NBEA: variants seen among roughly 807,000 people sequenced by gnomAD.
NBEA encodes the protein neurobeachin, also known as lysosomal-trafficking regulator 2.
In NBEA, 44 loss-of-function variants were observed where a neutral mutation model predicts 343.4. That is an observed-to-expected ratio of 0.13 (90% CI 0.10 to 0.16). The LOEUF (loss-of-function observed/expected upper bound fraction) is 0.16, where lower values mean the gene tolerates loss of function less well. Among genes scored for constraint, NBEA ranks in the 10% least tolerant of loss-of-function variants. The probability of loss-of-function intolerance (pLI) is 1.00; values close to 1 mark genes in which losing one functional copy is unlikely to be tolerated. For missense variants in NBEA, 2,555 were observed against 3,631.3 expected, an observed-to-expected ratio of 0.70 and a Z score of 7.62; for synonymous variants, 1,175 against 1,238.7, an observed-to-expected ratio of 0.95 and a Z score of 1.08.
At chr13:35,188,906 GTTTTTTTT>G (rs571102808) in intron 30 of NBEA, among the ~76,000 whole-genome samples, 4,646 of 109,784 alleles carry the variant, frequency 0.042, 107 homozygotes, top group Non-Finnish European at 0.058. Flanking sequence ...TTTACTTTTT[GTTTTTTTT>G]TTTTTTTTTG....
At chr13:35,260,972 T>G (rs2033157235) in intron 34 of NBEA, among the ~76,000 whole-genome samples, 1 of 152,180 alleles carries the variant, frequency 6.6e-6, no homozygotes, top group Admixed American at 6.6e-5. Context: ...ACCAAATTGT[T>G]TCGCCAGTAA....
At chr13:34,982,217 C>T (rs184791543) in intron 1 of NBEA, among the ~76,000 whole-genome samples, 7 of 151,982 alleles carry the variant, frequency 4.6e-5, no homozygotes, top group Non-Finnish European at 1.0e-4. Context: ...TGCTTTAGCT[C>T]ATTTTACAGA....
intron 34 of NBEA, among the ~76,000 whole-genome samples, chr13:35,250,788 A>G (rs548834164): frequency 1.3e-5 from 2 of 152,362 alleles, no homozygotes; most frequent in Admixed American, 6.5e-5. Context: ...AAAATTGTAT[A>G]ATTAAATGGT....
At chr13:34,993,381 T>C (rs117019898) in intron 1 of NBEA, among the ~76,000 whole-genome samples, 6,961 of 152,326 alleles carry the variant, frequency 0.046, 237 homozygotes, top group Non-Finnish European at 0.067. Context: ...CTTGCTACAA[T>C]GTAAGATGTA....
chr13:35,193,073 TGTTA>T (rs1403488944), intron 30 of NBEA, among the ~76,000 whole-genome samples: 1 of 151,938 alleles, frequency 6.6e-6, no homozygotes, highest in African/African-American at 2.4e-5. Flanking sequence ...TTTTTGTTGT[TGTTA>T]AAGTTTTTGT....
At chr13:35,620,568 C>G (rs1259479718) in intron 48 of NBEA, among the ~76,000 whole-genome samples, 4 of 151,958 alleles carry the variant, frequency 2.6e-5, no homozygotes, top group South Asian at 4.2e-4. Flanking sequence ...AGTACTTTGC[C>G]TTTTTACCCT....
In NBEA at chr13:35,671,056, ATCTCTGGTGGAAAAAAC is replaced by A. The variant is rs918941307; in HGVS notation, c.*68_*84del. 3 of 1,219,900 alleles carry A rather than the reference ATCTCTGGTGGAAAAAAC, an allele frequency of 2.5e-6. No homozygotes were observed. The African/African-American group carries it at 4.5e-5, about 18-fold the overall frequency. 75.6% of individuals were successfully genotyped at this position (1,219,900 alleles called of 1,614,324 possible). Reference sequence around the variant, plus strand: ...CACAAGTGCTGCATGGAAAGGCAATATCTCTGGTGGAAAAAACTCGTCTACATCGACCTCCGTTTGTA... The same window carrying A: ...CACAAGTGCTGCATGGAAAGGCAATATCGTCTACATCGACCTCCGTTTGTA... On this transcript the variant is annotated 3_prime_UTR_variant, in exon 59 of 59. Transcript: ENST00000379939.
chr13:35,423,077 A>T (rs2044402629), intron 38 of NBEA, among the ~76,000 whole-genome samples: 2 of 151,726 alleles, frequency 1.3e-5, no homozygotes, highest in Admixed American at 6.6e-5. Context: ...GGTTGCAAAA[A>T]TTTTCTCCCA....
chr13:34,981,799 T>A (rs2060364289), intron 1 of NBEA, among the ~76,000 whole-genome samples: 1 of 151,948 alleles, frequency 6.6e-6, no homozygotes, highest in African/African-American at 2.4e-5. Context: ...TCATCTTGTG[T>A]CAGTAAATTG....
intron 1 of NBEA, among the ~76,000 whole-genome samples, chr13:34,985,410 G>A (rs537579356): frequency 6.6e-6 from 1 of 151,106 alleles, no homozygotes; most frequent in Admixed American, 6.6e-5. Flanking sequence ...TGCTGAATAA[G>A]CTTTTTCATG....
At chr13:35,117,364 A>C in intron 13 of NBEA, 50 bp from the exon 14 acceptor site, 1 of 962,914 alleles carries the variant, frequency 1.0e-6, no homozygotes, top group Non-Finnish European at 1.4e-6. Context: ...CATTTAGCTA[A>C]TTTAATATCT....
At chr13:35,479,275 T>C (rs1369510531) in intron 41 of NBEA, among the ~76,000 whole-genome samples, 1 of 152,154 alleles carries the variant, frequency 6.6e-6, no homozygotes, top group Non-Finnish European at 1.5e-5. Context: ...GGTCCGCGAT[T>C]ATCACTGTGG....
At chr13:35,434,375 A>T (rs1361651086) in intron 39 of NBEA, among the ~76,000 whole-genome samples, 1 of 152,194 alleles carries the variant, frequency 6.6e-6, no homozygotes, top group African/African-American at 2.4e-5. Context: ...TGAATTTTCA[A>T]TCTGGATCAT....
intron 17 of NBEA, among the ~76,000 whole-genome samples, chr13:35,131,518 A>G (rs193183666): frequency 6.6e-6 from 1 of 152,334 alleles, no homozygotes; most frequent in African/African-American, 2.4e-5. Context: ...ATTTTTAGCA[A>G]ACCACAAATA....
intron 1 of NBEA, among the ~76,000 whole-genome samples, chr13:34,986,705 G>A (rs1191835317): frequency 1.3e-5 from 2 of 150,858 alleles, no homozygotes; most frequent in African/African-American, 4.8e-5. Context: ...CTTGCTTTAT[G>A]AGTCTGGGTG....
intron 6 of NBEA, among the ~76,000 whole-genome samples, chr13:35,052,948 A>G (rs2063117734): frequency 6.6e-6 from 1 of 152,054 alleles, no homozygotes; most frequent in African/African-American, 2.4e-5. Context: ...ATTGGAAGCC[A>G]TCTTAGACTC....
intron 49 of NBEA, among the ~76,000 whole-genome samples, chr13:35,641,951 T>C (rs978688154): frequency 3.3e-5 from 5 of 152,186 alleles, no homozygotes; most frequent in African/African-American, 4.8e-5. Context: ...TGAATGCACA[T>C]AATAAGCTTA....
chr13:35,586,767 C>A (rs1566367219), intron 46 of NBEA, among the ~76,000 whole-genome samples: 1 of 152,084 alleles, frequency 6.6e-6, no homozygotes. Context: ...TCTTTAGTTT[C>A]TGGGTGATAA....
At chr13:35,191,663 T>C (rs766768037) in intron 30 of NBEA, among the ~76,000 whole-genome samples, 6 of 152,048 alleles carry the variant, frequency 3.9e-5, no homozygotes, top group Non-Finnish European at 5.9e-5. Flanking sequence ...TAGTTACATA[T>C]AGCTTTTTTA....
Sources: allele counts gnomAD v4.1 joint callset (sites outside exome capture counted in the v4.1 genomes callset), GRCh38; gene constraint gnomAD v4.1.1; transcripts MANE v1.5; gene names NCBI Gene and HGNC (gene_info 2026-07-23, HGNC 2026-07-21).